FLT1: variants seen among roughly 807,000 people sequenced by gnomAD.
FLT1 encodes the protein fms related receptor tyrosine kinase 1.
In FLT1, 49 loss-of-function variants were observed where a neutral mutation model predicts 156.3. The observed-to-expected ratio is 0.31, with a 90% CI of 0.25 to 0.40. The LOEUF (loss-of-function observed/expected upper bound fraction) is 0.40. Ranked by LOEUF, FLT1 falls within the 10% of genes least tolerant of loss-of-function variation. FLT1 has a pLI of 1.00. For synonymous variants in FLT1, 594 were observed against 583.8 expected (o/e 1.02, Z -0.25); for missense variants, 1,322 against 1,637.2 (o/e 0.81, Z 3.32).
chr13:28,354,755 G>C (rs1376237712), intron 15 of FLT1, among the ~76,000 whole-genome samples: 3 of 151,944 alleles, frequency 2.0e-5, no homozygotes, highest in Non-Finnish European at 2.9e-5. Flanking sequence ...AGACACAAGA[G>C]TTCAAAAAGC....
intron 1 of FLT1, among the ~76,000 whole-genome samples, 165 bp downstream of exon 1, chr13:28,494,615 C>A (rs1881654411): frequency 6.6e-6 from 1 of 152,188 alleles, no homozygotes; most frequent in Non-Finnish European, 1.5e-5. Flanking sequence ...CGCAGCGGCC[C>A]CAAGCGTGCC....
At chr13:28,423,248 T>C (rs1877122485) in intron 10 of FLT1, among the ~76,000 whole-genome samples, 1 of 152,104 alleles carries the variant, frequency 6.6e-6, no homozygotes, top group Non-Finnish European at 1.5e-5. Context: ...AACCAATGAA[T>C]GGGGCAGGCC....
At chr13:28,330,674 A>C (rs1371250153) in intron 18 of FLT1, among the ~76,000 whole-genome samples, 1 of 149,698 alleles carries the variant, frequency 6.7e-6, no homozygotes, top group African/African-American at 2.4e-5. Context: ...CCTTTTAATA[A>C]ATCAGAGACT....
chr13:28,449,532 A>G lies in FLT1; in HGVS notation c.389-11187T>C, dbSNP rs1198602206. On this transcript the variant is annotated intron_variant, in intron 3 of 29. Transcript: ENST00000282397. The stretch of plus-strand genomic sequence containing the variant: ...ATTGGTGGATTCATATACAAATTCA[A>G]AGGTGATAAAAAATCTCACTGAGAC... Among the ~76,000 whole-genome samples the G allele has an allele frequency of 2.6e-5, 4 of 152,084 alleles. No homozygotes were observed. In the East Asian group the frequency reaches 7.7e-4, roughly 29 times the overall value.
At chr13:28,376,268 AAGG>A (rs1225294654) in intron 14 of FLT1, among the ~76,000 whole-genome samples, 3 of 152,198 alleles carry the variant, frequency 2.0e-5, no homozygotes, top group African/African-American at 7.2e-5. Context: ...TTCATTTAAG[AAGG>A]AGTATTAATC....
rs746207340 is a variant in FLT1 at position 28,319,421 on chromosome 13, A to G, written c.3286+2T>C. On this transcript the variant is annotated splice_donor_variant, in intron 24 of 29. Coordinates refer to ENST00000282397, the MANE Select transcript of FLT1 (RefSeq NM_002019.4). LOFTEE classifies it high-confidence loss of function. ...TTGATTTCTTCCTTCTCCCAAATTT[A>G]CCTAAGGAGAAGATTTCCCACAGCA... The G allele has an allele frequency of 6.3e-7, 1 of 1,589,284 alleles. No individual in the cohort carries two copies. Among genetic ancestry groups the G allele is most frequent in the Non-Finnish European group, 8.6e-7 (1 of 1,157,714 alleles).
chr13:28,386,347 G>C, intron 13 of FLT1: 1 of 1,001,812 alleles, frequency 1.0e-6, no homozygotes, highest in South Asian at 4.8e-5. Context: ...TAACATTGTT[G>C]AAGTAGTATA....
At chr13:28,388,887 T>A (rs948462593) in intron 13 of FLT1, 1 of 1,063,970 alleles carries the variant, frequency 9.4e-7, no homozygotes, top group Non-Finnish European at 1.1e-6. Context: ...TAAGGCATGA[T>A]CCACTTTCTT....
intron 10 of FLT1, among the ~76,000 whole-genome samples, chr13:28,408,776 G>C (rs896420607): frequency 6.6e-6 from 1 of 152,092 alleles, no homozygotes; most frequent in East Asian, 1.9e-4. Context: ...GCCTCAGCTC[G>C]GCGCTGTCCT....
At chr13:28,309,884 C>CTTTTTTTTTT (rs60568918) in intron 27 of FLT1, among the ~76,000 whole-genome samples, 4 of 90,874 alleles carry the variant, frequency 4.4e-5, no homozygotes, top group African/African-American at 4.3e-5. Context: ...TTCTTTTTTC[C>CTTTTTTTTTT]TTTTTTTTTT....
chr13:28,400,904 G>C (rs2137481170), intron 11 of FLT1, among the ~76,000 whole-genome samples: 1 of 152,262 alleles, frequency 6.6e-6, no homozygotes, highest in East Asian at 1.9e-4. Flanking sequence ...GACTGAGGAA[G>C]AGAAAAAAGC....
At chr13:28,429,750 C>T (rs1402014181) in intron 8 of FLT1, among the ~76,000 whole-genome samples, 1 of 152,074 alleles carries the variant, frequency 6.6e-6, no homozygotes, top group Non-Finnish European at 1.5e-5. Flanking sequence ...CAACACATCC[C>T]ATTCAAAGAA....
chr13:28,431,396 A>T, intron 6 of FLT1, 86 bp from the exon 7 acceptor site: 3 of 961,262 alleles, frequency 3.1e-6, no homozygotes, highest in Non-Finnish European at 4.9e-6. Flanking sequence ...TTAGATCATT[A>T]GTTCGACAAC....
At chr13:28,411,276 G>A (rs1005009160) in intron 10 of FLT1, among the ~76,000 whole-genome samples, 1 of 151,372 alleles carries the variant, frequency 6.6e-6, no homozygotes, top group African/African-American at 2.4e-5. Context: ...ATCTGGCCAG[G>A]CGCTGTGACT....
rs1252738281 is a variant in FLT1, at chr13:28,494,970, A to G, written c.-127T>C. 2 of 668,898 alleles carry G rather than the reference A, an allele frequency of 3.0e-6. No homozygotes were observed. The highest frequency in any genetic ancestry group is 4.6e-6 in the Non-Finnish European group (2 of 433,762). The allele number at this position is 668,898 out of a possible 1,614,324, so 41.4% of individuals were successfully genotyped here. On this transcript the variant is annotated 5_prime_UTR_variant, in exon 1 of 30. Transcript: ENST00000282397. ...CCCTGAGCGCCCGTCTCGCGGCTCC[A>G]GCCAGGAGACAACCACTTCCCCGGG... is the stretch of plus-strand genomic sequence containing the variant.
intron 11 of FLT1, among the ~76,000 whole-genome samples, chr13:28,397,272 C>A (rs1363109768): frequency 6.6e-6 from 1 of 152,172 alleles, no homozygotes. Flanking sequence ...CCTCAGGAGA[C>A]CGGGGCCTAT....
chr13:28,337,695 G>T (rs909201183), intron 17 of FLT1, among the ~76,000 whole-genome samples: 1 of 152,220 alleles, frequency 6.6e-6, no homozygotes, highest in Non-Finnish European at 1.5e-5. Flanking sequence ...CCTGAAATGG[G>T]ATTATTTAAA....
chr13:28,403,159 C>G (rs932264208), intron 11 of FLT1, among the ~76,000 whole-genome samples: 3 of 152,012 alleles, frequency 2.0e-5, no homozygotes, highest in Non-Finnish European at 2.9e-5. Context: ...ATCATTAGTT[C>G]TGTTTTTTTT....
chr13:28,308,684 A>T (rs1566278066), intron 28 of FLT1, among the ~76,000 whole-genome samples, 159 bp downstream of exon 28: 2 of 152,188 alleles, frequency 1.3e-5, no homozygotes, highest in Non-Finnish European at 2.9e-5. Flanking sequence ...CTGCACAGCT[A>T]GGTCTAGTTG....
Sources: allele counts gnomAD v4.1 joint callset (sites outside exome capture counted in the v4.1 genomes callset), GRCh38; gene constraint gnomAD v4.1.1; transcripts MANE v1.5; gene names NCBI Gene and HGNC (gene_info 2026-07-23, HGNC 2026-07-21).